ADCY9: variants seen among roughly 807,000 people sequenced by gnomAD.
ADCY9 encodes the protein adenylate cyclase type 9.
In ADCY9, 50 loss-of-function variants were observed where a neutral mutation model predicts 101.5. The ratio of observed to expected loss-of-function variants is 0.49; its 90% confidence interval spans 0.39 to 0.62. The LOEUF is 0.62. Among genes scored for constraint, ADCY9 ranks in the 20% least tolerant of loss-of-function variants. The pLI is 0.00. For synonymous variants in ADCY9, 905 were observed against 769.3 expected, an observed-to-expected ratio of 1.18 and a Z score of -2.92; for missense variants, 1,662 against 1,800.4, an observed-to-expected ratio of 0.92 and a Z score of 1.39.
At chr16:4,076,846 G>A (rs574663888) in intron 2 of ADCY9, among the ~76,000 whole-genome samples, 1 of 152,258 alleles carries the variant, frequency 6.6e-6, no homozygotes, top group African/African-American at 2.4e-5. Flanking sequence ...GGAGGCCAAG[G>A]GAGGAGGATC....
At chr16:3,957,714 G>A (rs907986341), downstream of ADCY9, among the ~76,000 whole-genome samples, 7 of 152,136 alleles carry the variant, frequency 4.6e-5, no homozygotes, top group Non-Finnish European at 7.4e-5. Context: ...GGGGTCCTGG[G>A]AGGGCAGGGC....
chr16:4,029,030 T>A (rs562481758), intron 2 of ADCY9, among the ~76,000 whole-genome samples: 1 of 152,116 alleles, frequency 6.6e-6, no homozygotes, highest in Admixed American at 6.5e-5. Context: ...TGATCCACCC[T>A]CCTCGGCCTC....
At chr16:4,076,136 G>A (rs941275602) in intron 2 of ADCY9, among the ~76,000 whole-genome samples, 5 of 152,200 alleles carry the variant, frequency 3.3e-5, no homozygotes, top group Non-Finnish European at 7.3e-5. Flanking sequence ...CGAGGCTGCA[G>A]TGCGCTACCA....
chr16:4,042,203 G>A (rs187595174), intron 2 of ADCY9, among the ~76,000 whole-genome samples: 7 of 152,138 alleles, frequency 4.6e-5, no homozygotes, highest in Admixed American at 6.5e-5. Context: ...GATTACAAGC[G>A]TGAGCCACGG....
Position 4,013,683 on chromosome 16 carries a change from C to T in ADCY9, c.1694-6125G>A, listed in dbSNP as rs1463135053. ...CACGACTAGGTCGGAAACGACCAAG[C>T]GGCATGAGAGTTATTTAAACTAAAC... On this transcript the variant is annotated intron_variant, in intron 2 of 10. Transcript: ENST00000294016. Among the ~76,000 whole-genome samples the T allele has an allele frequency of 2.6e-5, 4 of 152,130 alleles. No individual in the cohort carries two copies. The East Asian group carries it at 5.8e-4, about 22-fold the overall frequency.
In ADCY9 at chr16:4,003,746, C is replaced by T. The variant is rs151171421; in HGVS notation, c.1884+3622G>A. Among the ~76,000 whole-genome samples, 72 of 152,066 alleles carry T rather than the reference C, an allele frequency of 4.7e-4. No homozygotes were observed. In the East Asian group the frequency reaches 0.01, roughly 22 times the overall value. ...CACCTGGCTGCAGTTTCTTCACAGT[C>T]GCAAAGCCAAGGCTTGAGAAGGGTC... On this transcript the variant is annotated intron_variant, in intron 3 of 10. Transcript: ENST00000294016.
At chr16:4,103,203 T>C (rs2057054987) in intron 2 of ADCY9, among the ~76,000 whole-genome samples, 1 of 152,230 alleles carries the variant, frequency 6.6e-6, no homozygotes, top group African/African-American at 2.4e-5. Context: ...CACATGAGAA[T>C]GCGTGTTTGG....
rs140068622 is a variant in ADCY9 at position 4,050,942 on chromosome 16, G to A, written c.1694-43384C>T. ...AGAACTAAACATGTGGCCGGGAGCAGTGGCTCACACCTGTCATCCCAGCAC... is the reference window on the plus strand; with the variant it reads ...AGAACTAAACATGTGGCCGGGAGCAATGGCTCACACCTGTCATCCCAGCAC... On this transcript the variant is annotated intron_variant, in intron 2 of 10. Transcript: ENST00000294016. Among the ~76,000 whole-genome samples, 339 of 152,270 alleles carry A rather than the reference G, an allele frequency of 2.2e-3. 2 individuals are homozygous for A. Among genetic ancestry groups the A allele is most frequent in the African/African-American group, 7.8e-3 (325 of 41,562 alleles).
chr16:3,984,538 G>A (rs567057104), intron 6 of ADCY9, among the ~76,000 whole-genome samples: 1 of 152,340 alleles, frequency 6.6e-6, no homozygotes, highest in South Asian at 2.1e-4. Flanking sequence ...ACCCATCTCG[G>A]TGTACAGATT....
At chr16:4,043,511 T>C (rs557822186) in intron 2 of ADCY9, among the ~76,000 whole-genome samples, 1 of 151,138 alleles carries the variant, frequency 6.6e-6, no homozygotes, top group South Asian at 2.1e-4. Context: ...CCATCTCTAC[T>C]AAAAATACAA....
At chr16:4,059,731 C>T (rs1269183600) in intron 2 of ADCY9, among the ~76,000 whole-genome samples, 1 of 152,028 alleles carries the variant, frequency 6.6e-6, no homozygotes, top group Non-Finnish European at 1.5e-5. Flanking sequence ...GACCCCGTCT[C>T]AACGAAAAAC....
intron 3 of ADCY9, among the ~76,000 whole-genome samples, chr16:3,997,558 G>A (rs1802717084): frequency 6.6e-6 from 1 of 152,260 alleles, no homozygotes; most frequent in South Asian, 2.1e-4. Context: ...AAATGAGGCT[G>A]CGCTTGCAGA....
In ADCY9 at chr16:4,043,627, T is replaced by G. The variant is rs140837485; in HGVS notation, c.1694-36069A>C. On this transcript the variant is annotated intron_variant, in intron 2 of 10. Transcript: ENST00000294016. Reference sequence around the variant, plus strand: ...CTCACTTGAACATGAGAGGCAGAGGTTGCAGTGAACCAAGATTCCGCCACT... The same window carrying G: ...CTCACTTGAACATGAGAGGCAGAGGGTGCAGTGAACCAAGATTCCGCCACT... Among the ~76,000 whole-genome samples, 325 of 152,128 alleles carry G rather than the reference T, an allele frequency of 2.1e-3. 1 individual carries two copies. The highest frequency in any genetic ancestry group is 7.6e-3 in the African/African-American group (314 of 41,484).
chr16:3,994,576 C>A (rs1417689463), intron 3 of ADCY9, among the ~76,000 whole-genome samples: 1 of 152,196 alleles, frequency 6.6e-6, no homozygotes, highest in East Asian at 1.9e-4. Flanking sequence ...CTGCCTCAGC[C>A]TCCTGAGTAG....
rs1015345783 is a variant in ADCY9, at chr16:3,992,795, A to T, written c.1990-432T>A. 6.6e-6 allele frequency among the ~76,000 whole-genome samples: 1 copy of T among 152,110 alleles called. No individual in the cohort carries two copies. The highest frequency in any genetic ancestry group is 2.4e-5 in the African/African-American group (1 of 41,426). On this transcript the variant is annotated intron_variant, in intron 4 of 10. Transcript: ENST00000294016. The surrounding 1 kb of genome is among the most constrained non-coding windows in gnomAD (Gnocchi z 4.2). Reference sequence around the variant, plus strand: ...GTCAGGGCACAGGCAAGGTGGATGGAAACGGGCTCGTGTCGTGGGTGTCCC... The same window carrying T: ...GTCAGGGCACAGGCAAGGTGGATGGTAACGGGCTCGTGTCGTGGGTGTCCC...
rs79147567 is a variant in ADCY9 at position 4,096,718 on chromosome 16, A to C, written c.1693+17032T>G. ...TAAACACTTTCACTTAAAGTGTCAT[A>C]GCCTTAATGGTATATTGCATTTAAT... is the stretch of plus-strand genomic sequence containing the variant. On this transcript the variant is annotated intron_variant, in intron 2 of 10. Coordinates refer to ENST00000294016, the MANE Select transcript of ADCY9 (RefSeq NM_001116.4). 5.6e-4 allele frequency among the ~76,000 whole-genome samples: 85 copies of C among 152,376 alleles called. 1 individual carries two copies. The East Asian group carries it at 0.013, about 23-fold the overall frequency.
chr16:4,014,648 A>G (rs1333169166), intron 2 of ADCY9, among the ~76,000 whole-genome samples: 1 of 151,992 alleles, frequency 6.6e-6, no homozygotes, highest in East Asian at 2.0e-4. Flanking sequence ...GGGTTTTGCC[A>G]TGCTGGACAG....
chr16:4,052,561 T>C (rs1321918994), intron 2 of ADCY9, among the ~76,000 whole-genome samples: 1 of 152,218 alleles, frequency 6.6e-6, no homozygotes, highest in Non-Finnish European at 1.5e-5. Context: ...GGAGCATCTC[T>C]GTAAATTTAA....
At chr16:4,006,094 C>T (rs1056146072) in intron 3 of ADCY9, among the ~76,000 whole-genome samples, 7 of 152,258 alleles carry the variant, frequency 4.6e-5, no homozygotes, top group Non-Finnish European at 7.4e-5. Context: ...ACCACTGTCC[C>T]GGTGGTTTTC....
Sources: allele counts gnomAD v4.1 joint callset (sites outside exome capture counted in the v4.1 genomes callset), GRCh38; gene constraint gnomAD v4.1.1; non-coding constraint Gnocchi (gnomAD v3.1); transcripts MANE v1.5; gene names NCBI Gene and HGNC (gene_info 2026-07-23, HGNC 2026-07-21).